EFCAB5: variants seen among roughly 807,000 people sequenced by gnomAD.
The protein encoded by EFCAB5 is EF-hand calcium-binding domain-containing protein 5.
Under a neutral mutation model 167.9 loss-of-function variants are expected in EFCAB5, and 131 were observed. That is an observed-to-expected ratio of 0.78 (90% confidence interval 0.68 to 0.90). The LOEUF (loss-of-function observed/expected upper bound fraction) is 0.90. Among genes scored for constraint, EFCAB5 ranks in the 40% least tolerant of loss-of-function variants. EFCAB5 has a pLI of 0.00. For missense variants in EFCAB5, 1,663 were observed against 1,745.2 expected, an observed-to-expected ratio of 0.95 and a Z score of 0.84; for synonymous variants, 574 against 602.8, an observed-to-expected ratio of 0.95 and a Z score of 0.70.
At chr17:30,013,819 C>G (rs945421865) in intron 7 of EFCAB5, among the ~76,000 whole-genome samples, 2 of 152,176 alleles carry the variant, frequency 1.3e-5, no homozygotes, top group South Asian at 2.1e-4. Context: ...CTGCTCTGAT[C>G]TTAGCTATTT....
At chr17:30,014,326 G>GT (rs896800803) in intron 7 of EFCAB5, among the ~76,000 whole-genome samples, 1 of 152,178 alleles carries the variant, frequency 6.6e-6, no homozygotes, top group African/African-American at 2.4e-5. Flanking sequence ...GGTCTGCTTA[G>GT]TGCAGAGCTG....
In EFCAB5 at chr17:30,096,677, A is replaced by ATATTTTTT. The variant is rs1193558323; in HGVS notation, c.4321+3742_4321+3743insATTTTTTT. 1.4e-3 allele frequency among the ~76,000 whole-genome samples: 82 copies of ATATTTTTT among 60,120 alleles called. 1 individual carries two copies. Among genetic ancestry groups the ATATTTTTT allele is most frequent in the African/African-American group, 6.3e-3 (75 of 11,900 alleles). The allele number at this position is 60,120 out of a possible 152,430, so 39.4% of individuals were successfully genotyped here. On this transcript the variant is annotated intron_variant, in intron 22 of 22. Transcript: ENST00000394835. ...CATATATATATATATATATATATAT[A>ATATTTTTT]TTTTTTTTTTTTTTTTTTTTGAGAT... is the stretch of plus-strand genomic sequence containing the variant.
intron 3 of EFCAB5, among the ~76,000 whole-genome samples, chr17:29,956,125 G>C (rs1245136470): frequency 1.3e-5 from 2 of 152,168 alleles, no homozygotes; most frequent in Non-Finnish European, 2.9e-5. Flanking sequence ...GCAGAATATT[G>C]AAACAGTTTT....
At chr17:30,062,227 T>G (rs2070443428) in intron 14 of EFCAB5, among the ~76,000 whole-genome samples, 1 of 152,056 alleles carries the variant, frequency 6.6e-6, no homozygotes, top group South Asian at 2.1e-4. Context: ...AATAAACAAT[T>G]ACATTAAGAA....
intron 22 of EFCAB5, among the ~76,000 whole-genome samples, chr17:30,097,485 T>C (rs938191223): frequency 6.6e-6 from 1 of 152,252 alleles, no homozygotes; most frequent in African/African-American, 2.4e-5. Flanking sequence ...GTTCTTTCAC[T>C]GTTTCTTCTT....
chr17:30,078,395 T>G lies in EFCAB5; in HGVS notation c.2918T>G (p.Leu973Arg). 6.2e-7 allele frequency: 1 copy of G among 1,614,012 alleles called. No homozygotes were observed. The highest frequency in any genetic ancestry group is 8.5e-7 in the Non-Finnish European group (1 of 1,179,888). The change falls in exon 15 of 23, where the codon CTG becomes CGG. Residue 973 changes from leucine (L) to arginine (R), a missense_variant. By Grantham distance (102) the Leu-to-Arg change is moderately radical (BLOSUM62 -2). Coordinates refer to ENST00000394835, the MANE Select transcript of EFCAB5 (RefSeq NM_198529.4). ...NALERSHIES[L>R]RNSARRKWLH... is the part of the protein sequence containing the mutation. ...TTAGAGAGGAGCCACATTGAGAGTC[T>G]GAGGAATTCTGCCAGGCGGAAATGG...
At chr17:30,046,190 A>G (rs994660384) in intron 8 of EFCAB5, among the ~76,000 whole-genome samples, 3 of 152,224 alleles carry the variant, frequency 2.0e-5, no homozygotes, top group South Asian at 4.1e-4. Flanking sequence ...TGAGTGGCAA[A>G]CATTCAGTGA....
chr17:30,056,792 C>A (rs1171981742), intron 12 of EFCAB5, among the ~76,000 whole-genome samples: 1 of 152,194 alleles, frequency 6.6e-6, no homozygotes. Context: ...CCTCAAATAA[C>A]AAACTTTCTA....
chr17:30,001,812 A>G (rs1328735912), intron 7 of EFCAB5, among the ~76,000 whole-genome samples: 2 of 152,296 alleles, frequency 1.3e-5, no homozygotes, highest in South Asian at 2.1e-4. Context: ...ACTCCTTTTT[A>G]TGTGCCATAT....
intron 18 of EFCAB5, among the ~76,000 whole-genome samples, chr17:30,086,679 G>A (rs2071095000): frequency 6.6e-6 from 1 of 152,182 alleles, no homozygotes; most frequent in South Asian, 2.1e-4. Context: ...GATCACATGA[G>A]GTGAGGAGTT....
At chr17:30,080,653 T>C in intron 16 of EFCAB5, 100 bp from the exon 17 acceptor site, 1 of 888,626 alleles carries the variant, frequency 1.1e-6, no homozygotes, top group South Asian at 1.7e-5. Flanking sequence ...GGTCATATAA[T>C]GCCACAGATT....
chr17:30,022,248 A>C (rs985633582), intron 7 of EFCAB5, among the ~76,000 whole-genome samples: 2 of 152,188 alleles, frequency 1.3e-5, no homozygotes, highest in Non-Finnish European at 2.9e-5. Context: ...TACTCAATAC[A>C]ATAATGCATT....
chr17:30,093,618 G>C (rs1328862136), intron 22 of EFCAB5, among the ~76,000 whole-genome samples: 1 of 152,156 alleles, frequency 6.6e-6, no homozygotes, highest in Non-Finnish European at 1.5e-5. Flanking sequence ...GATTAACGGG[G>C]AACTATCCTA....
At chr17:30,037,205 A>T (rs1393448360) in intron 8 of EFCAB5, among the ~76,000 whole-genome samples, 2 of 152,014 alleles carry the variant, frequency 1.3e-5, no homozygotes, top group Non-Finnish European at 2.9e-5. Flanking sequence ...GCCTGAAGAT[A>T]CTCCCTTTCA....
Position 29,986,150 on chromosome 17 carries a change from T to C in EFCAB5, c.768-7015T>C, listed in dbSNP as rs182686269. Among the ~76,000 whole-genome samples, 55 of 152,354 alleles carry C rather than the reference T, an allele frequency of 3.6e-4. No individual in the cohort carries two copies. In the South Asian group the frequency reaches 9.9e-3, roughly 28 times the overall value. On this transcript the variant is annotated intron_variant, in intron 4 of 22. Coordinates refer to ENST00000394835, the MANE Select transcript of EFCAB5 (RefSeq NM_198529.4). ...TTAAGGTCAGGTGTGTCTGGGATAC[T>C]TTAAATATTTGTTCTTTTAATTTTG...
chr17:30,069,823 C>T (rs1201201339), intron 14 of EFCAB5, among the ~76,000 whole-genome samples: 3 of 152,156 alleles, frequency 2.0e-5, no homozygotes, highest in Non-Finnish European at 2.9e-5. Context: ...ATACCCAGGC[C>T]GATAGTGTTC....
intron 17 of EFCAB5, among the ~76,000 whole-genome samples, chr17:30,082,261 T>A (rs2071001758): frequency 6.6e-6 from 1 of 152,192 alleles, no homozygotes; most frequent in Non-Finnish European, 1.5e-5. Context: ...CTTGGCTTTT[T>A]AACATTTTTT....
chr17:30,090,637 C>A lies in EFCAB5; in HGVS notation c.3900C>A (p.Gly1300=), dbSNP rs373266590. 8 of 1,613,688 alleles carry A rather than the reference C, an allele frequency of 5.0e-6. No homozygotes were observed. Among genetic ancestry groups the A allele is most frequent in the African/African-American group, 1.3e-5 (1 of 74,980 alleles). ...VVQVACYEIL[G]EFSGEIKKKY... is the part of the protein sequence containing the mutation. ...AAGTGGCCTGCTATGAAATACTTGG[C>A]GAGTTCTCTGGAGAGATAAAGAAAA... The change falls in exon 20 of 23, where the codon GGC becomes GGA. Residue 1300 remains glycine (G), a synonymous_variant. Coordinates refer to ENST00000394835, the MANE Select transcript of EFCAB5 (RefSeq NM_198529.4).
intron 18 of EFCAB5, among the ~76,000 whole-genome samples, chr17:30,084,639 A>G (rs1034446655): frequency 2.0e-5 from 3 of 152,132 alleles, no homozygotes; most frequent in Non-Finnish European, 4.4e-5. Flanking sequence ...AGCTCTTTTC[A>G]AGCACTCAAC....
Sources: allele counts gnomAD v4.1 joint callset (sites outside exome capture counted in the v4.1 genomes callset), GRCh38; gene constraint gnomAD v4.1.1; transcripts MANE v1.5; gene names NCBI Gene and HGNC (gene_info 2026-07-23, HGNC 2026-07-21).